Variants in SBF2 observed in about 807,000 individuals in gnomAD.
SBF2 encodes myotubularin-related protein 13.
A neutral mutation model predicts 225.2 loss-of-function variants in SBF2; 112 were observed. The observed-to-expected ratio is 0.50, with a 90% CI of 0.43 to 0.58. SBF2 has a LOEUF of 0.58. SBF2 is among the 20% of genes least tolerant of loss of function. The probability of loss-of-function intolerance (pLI) is 0.00; values close to 1 mark genes in which losing one functional copy is unlikely to be tolerated. For missense variants in SBF2, 1,996 were observed against 2,206.2 expected (o/e 0.90, Z 1.91); for synonymous variants, 763 against 773.3 (o/e 0.99, Z 0.22).
intron 2 of SBF2, among the ~76,000 whole-genome samples, chr11:10,093,018 TTTC>T (rs1212400239): frequency 1.4e-5 from 2 of 142,094 alleles, no homozygotes; most frequent in African/African-American, 2.5e-5. Flanking sequence ...CTTTTCCTTC[TTTC>T]TTTTTTTTTT....
chr11:10,205,074 G>A (rs746392677), intron 1 of SBF2, among the ~76,000 whole-genome samples: 2 of 151,886 alleles, frequency 1.3e-5, no homozygotes, highest in African/African-American at 4.8e-5. Context: ...GGTTTAATAT[G>A]TAGGTGACGG....
chr11:10,147,395 AGAAT>A (rs1402607852), intron 2 of SBF2, among the ~76,000 whole-genome samples: 1 of 152,236 alleles, frequency 6.6e-6, no homozygotes, highest in Non-Finnish European at 1.5e-5. Flanking sequence ...GCCATAAAAA[AGAAT>A]GAGATCATGT....
intron 38 of SBF2, among the ~76,000 whole-genome samples, chr11:9,783,704 A>G (rs1852183310): frequency 6.6e-6 from 1 of 152,242 alleles, no homozygotes; most frequent in Admixed American, 6.5e-5. Context: ...ATTTCTTGAC[A>G]TAGTCAGCAA....
At chr11:9,808,270 T>C (rs1853965656) in intron 31 of SBF2, 85 bp from the exon 32 acceptor site, 2 of 1,169,704 alleles carry the variant, frequency 1.7e-6, no homozygotes, top group East Asian at 2.5e-5. Context: ...CTTCTGATGA[T>C]AGCTAATTCA....
At chr11:9,992,291 C>A in intron 12 of SBF2, 124 bp downstream of exon 12, 1 of 714,516 alleles carries the variant, frequency 1.4e-6, no homozygotes, top group Non-Finnish European at 2.2e-6. Context: ...TAATAAATAA[C>A]ATTGGGATTA....
chr11:9,839,420 G>T (rs1396365816), intron 26 of SBF2, 78 bp downstream of exon 26: 2 of 1,365,262 alleles, frequency 1.5e-6, no homozygotes, highest in Non-Finnish European at 2.1e-6. Context: ...CAGGGCTATG[G>T]ATGCAAATGG....
intron 32 of SBF2, among the ~76,000 whole-genome samples, chr11:9,800,195 C>T (rs1853403191): frequency 6.6e-6 from 1 of 151,866 alleles, no homozygotes; most frequent in Admixed American, 6.6e-5. Context: ...CAAGATTTTG[C>T]CACTGCACTC....
At position 9,839,615 on chromosome 11, in the gene SBF2, G is replaced by T; in HGVS notation, c.3338C>A (p.Ala1113Asp). 6.2e-7 allele frequency: 1 copy of T among 1,614,158 alleles called. No homozygotes were observed. Among genetic ancestry groups the T allele is most frequent in the Non-Finnish European group, 8.5e-7 (1 of 1,180,006 alleles). ...KSTMEQLVEK[A>D]CFRDYQRLGL... ...TAAACGCTGATAGTCTCTGAAACAA[G>T]CTTTTTCCACCAACTGTTCCATTGT... The change falls in exon 26 of 40, where the codon GCT (alanine) becomes GAT (aspartate). Residue 1113 changes from alanine to aspartate, a missense_variant. By Grantham distance (126) the Ala-to-Asp change is moderately radical. Transcript: ENST00000256190.
intron 1 of SBF2, among the ~76,000 whole-genome samples, chr11:10,206,922 TA>T (rs1328084222): frequency 6.6e-6 from 1 of 151,978 alleles, no homozygotes; most frequent in Non-Finnish European, 1.5e-5. Context: ...AGAGGGGAAC[TA>T]AAAGAATATT....
chr11:9,781,071 T>C (rs140139200), intron 39 of SBF2, among the ~76,000 whole-genome samples: 1 of 152,350 alleles, frequency 6.6e-6, no homozygotes, highest in East Asian at 1.9e-4. Context: ...ATGTGGCCTA[T>C]AAAGTGCCCC....
chr11:9,905,313 G>A (rs1214335479), intron 16 of SBF2, among the ~76,000 whole-genome samples: 2 of 152,144 alleles, frequency 1.3e-5, no homozygotes, highest in Non-Finnish European at 2.9e-5. Context: ...CAATATTTAT[G>A]GCAAGTTGTT....
At position 9,979,810 on chromosome 11, in the gene SBF2, C is replaced by A. The variant is rs1363239006; in HGVS notation, c.1395+9687G>T. 2.9e-5 allele frequency among the ~76,000 whole-genome samples: 4 copies of A among 137,216 alleles called. No homozygotes were observed. In the East Asian group the frequency reaches 8.4e-4, roughly 29 times the overall value. 90.0% of individuals were successfully genotyped at this position (137,216 alleles called of 152,430 possible). ...AATTTAAAATTGAAATTAAATTCAT[C>A]TTTTTTTTTTTTTTTTTGAGACAGG... On this transcript the variant is annotated intron_variant, in intron 13 of 39. Transcript: ENST00000256190.
At chr11:9,829,563 TCTATCTATCTAC>T (rs1824613317) in intron 27 of SBF2, 67 bp from the exon 28 acceptor site, 2 of 1,297,334 alleles carry the variant, frequency 1.5e-6, no homozygotes, top group South Asian at 1.2e-5. Flanking sequence ...TATCTATCTA[TCTATCTATCTAC>T]CTATCTATCT....
intron 16 of SBF2, among the ~76,000 whole-genome samples, chr11:9,944,188 A>T (rs571403266): frequency 3.9e-5 from 6 of 152,358 alleles, no homozygotes; most frequent in Non-Finnish European, 8.8e-5. Flanking sequence ...GTACATCCTT[A>T]TTGGGTAAAA....
intron 6 of SBF2, among the ~76,000 whole-genome samples, chr11:10,017,820 A>G (rs918737332): frequency 6.6e-6 from 1 of 152,162 alleles, no homozygotes; most frequent in Non-Finnish European, 1.5e-5. Flanking sequence ...TATGACTAAA[A>G]ATAATTCAAA....
At chr11:9,844,940 A>G (rs1856431246) in intron 24 of SBF2, among the ~76,000 whole-genome samples, 1 of 152,142 alleles carries the variant, frequency 6.6e-6, no homozygotes, top group African/African-American at 2.4e-5. Flanking sequence ...AAAATAAAAA[A>G]CATAAAAAGA....
chr11:9,965,947 T>G (rs1259851428), intron 14 of SBF2, among the ~76,000 whole-genome samples: 1 of 152,230 alleles, frequency 6.6e-6, no homozygotes, highest in Non-Finnish European at 1.5e-5. Flanking sequence ...ATAGAAAACT[T>G]ACAATCTCCA....
chr11:9,829,678 C>T (rs1855271013), intron 27 of SBF2, 182 bp from the exon 28 acceptor site: 2 of 592,572 alleles, frequency 3.4e-6, no homozygotes, highest in Admixed American at 5.5e-5. Context: ...ATGGCTAATC[C>T]TCCACTGTAA....
At chr11:10,029,908 T>G (rs1198841847) in intron 4 of SBF2, 33 bp from the exon 5 acceptor site, 3 of 1,394,998 alleles carry the variant, frequency 2.2e-6, no homozygotes, top group Admixed American at 3.3e-5. Context: ...AATTATTTCA[T>G]GGAAAAAGCA....
Sources: gnomAD v4.1 joint callset for allele counts (sites outside exome capture counted in the v4.1 genomes callset) on GRCh38, gnomAD v4.1.1 for gene constraint, MANE v1.5 for transcripts, NCBI Gene and HGNC (gene_info 2026-07-23, HGNC 2026-07-21) for gene names.